CCDC158: variants seen among roughly 807,000 people sequenced by gnomAD.
CCDC158 encodes coiled-coil domain-containing protein 158.
A neutral mutation model predicts 138.6 loss-of-function variants in CCDC158; 116 were observed. The observed-to-expected ratio is 0.84, with a 90% CI of 0.72 to 0.98. The LOEUF is 0.98. CCDC158 is among the 50% of genes least tolerant of loss of function. CCDC158 has a pLI of 0.00. For synonymous variants in CCDC158, 436 were observed against 442.4 expected (o/e 0.99, Z 0.18); for missense variants, 1,265 against 1,306.1 (o/e 0.97, Z 0.48).
At chr4:76,367,831 C>T (rs1724843975) in intron 11 of CCDC158, 55 bp from the exon 12 acceptor site, 1 of 1,486,692 alleles carries the variant, frequency 6.7e-7, no homozygotes, top group Non-Finnish European at 9.0e-7. Flanking sequence ...GTATAGGCAA[C>T]CTCAAGAGAT....
rs769483969 is a variant in CCDC158, at chr4:76,396,349, A to T, written c.208T>A (p.Ser70Thr). The change falls in exon 4 of 25, where the codon TCT becomes ACT. Residue 70 changes from serine to threonine, a missense_variant. Transcript: ENST00000682701. ...ELDSPRKIIP[S>T]PGKEHFERVL... ...CGTTCAAAGTGTTCCTTTCCAGGAGATGGGATGATTTTTCTAGGAGAATCA... is the reference window on the plus strand; with the variant it reads ...CGTTCAAAGTGTTCCTTTCCAGGAGTTGGGATGATTTTTCTAGGAGAATCA... 4.3e-6 allele frequency: 7 copies of T among 1,613,822 alleles called. No homozygotes were observed. The African/African-American group carries it at 6.7e-5, about 15-fold the overall frequency.
At chr4:76,331,973 T>C (rs1355182229) in intron 20 of CCDC158, among the ~76,000 whole-genome samples, 1 of 152,224 alleles carries the variant, frequency 6.6e-6, no homozygotes, top group Non-Finnish European at 1.5e-5. Flanking sequence ...AGTTATGGAT[T>C]TCATTTCTTT....
intron 7 of CCDC158, among the ~76,000 whole-genome samples, chr4:76,383,091 T>C (rs764794381): frequency 3.3e-5 from 5 of 152,198 alleles, no homozygotes; most frequent in African/African-American, 7.2e-5. Context: ...ACATTAGCTC[T>C]GGTCAGGTTT....
chr4:76,396,366 G>A lies in CCDC158; in HGVS notation c.191C>T (p.Pro64Leu), dbSNP rs760988150. ...FPKYEVELDS[P>L]RKIIPSPGKE... Reference sequence around the variant, plus strand: ...TCCAGGAGATGGGATGATTTTTCTAGGAGAATCAAGTTCCACTTCATATTT... The same window carrying A: ...TCCAGGAGATGGGATGATTTTTCTAAGAGAATCAAGTTCCACTTCATATTT... Residue 64 changes from proline (P) to leucine (L), a missense_variant, in exon 4 of 25, where the codon CCT (proline) becomes CTT (leucine). By Grantham distance (98) the Pro-to-Leu change is moderately conservative (BLOSUM62 -3). Transcript: ENST00000682701. 1.9e-6 allele frequency: 3 copies of A among 1,613,644 alleles called. No individual in the cohort carries two copies. The highest frequency in any genetic ancestry group is 2.5e-6 in the Non-Finnish European group (3 of 1,179,674).
chr4:76,415,392 A>T (rs1470013754), intron 1 of CCDC158, among the ~76,000 whole-genome samples: 1 of 152,158 alleles, frequency 6.6e-6, no homozygotes, highest in Non-Finnish European at 1.5e-5. Context: ...ATAGAAAAGG[A>T]AAATCCATTT....
At chr4:76,380,810 T>C (rs892636433) in intron 8 of CCDC158, among the ~76,000 whole-genome samples, 5 of 152,080 alleles carry the variant, frequency 3.3e-5, no homozygotes, top group Non-Finnish European at 5.9e-5. Context: ...GAGGAAGAAA[T>C]GGTTTTGTAA....
chr4:76,333,959 G>A (rs1721228737), intron 19 of CCDC158, 51 bp downstream of exon 19: 2 of 1,376,160 alleles, frequency 1.5e-6, no homozygotes, highest in Non-Finnish European at 2.0e-6. Flanking sequence ...TAACTCAATG[G>A]CAAACCATTC....
At chr4:76,360,773 A>G (rs999528955) in intron 13 of CCDC158, among the ~76,000 whole-genome samples, 3 of 152,224 alleles carry the variant, frequency 2.0e-5, no homozygotes, top group African/African-American at 7.2e-5. Flanking sequence ...GCTCATAGGT[A>G]GAAGTGATTT....
chr4:76,347,844 G>A (rs1722703427), intron 18 of CCDC158, among the ~76,000 whole-genome samples: 1 of 152,022 alleles, frequency 6.6e-6, no homozygotes, highest in African/African-American at 2.4e-5. Context: ...GAAACCAAGG[G>A]AAAAAATCGA....
At chr4:76,386,976 A>G (rs994354362) in intron 4 of CCDC158, among the ~76,000 whole-genome samples, 10 of 152,134 alleles carry the variant, frequency 6.6e-5, no homozygotes, top group Non-Finnish European at 1.2e-4. Flanking sequence ...GTCCTAGGTA[A>G]ACTTGAAAGG....
intron 19 of CCDC158, among the ~76,000 whole-genome samples, chr4:76,333,399 A>G (rs185035013): frequency 5.8e-4 from 89 of 152,312 alleles, no homozygotes; most frequent in African/African-American, 2.1e-3. Flanking sequence ...TAACACAAAA[A>G]AGTAAAACCC....
At chr4:76,321,454 G>A (rs904817999) in intron 24 of CCDC158, among the ~76,000 whole-genome samples, 12 of 151,634 alleles carry the variant, frequency 7.9e-5, no homozygotes, top group South Asian at 2.1e-4. Flanking sequence ...ACTTGCACAC[G>A]CATGTTTATA....
intron 18 of CCDC158, among the ~76,000 whole-genome samples, chr4:76,350,208 G>A (rs989810730): frequency 6.6e-6 from 1 of 152,116 alleles, no homozygotes. Flanking sequence ...TCTATTGTTT[G>A]ATAGACTACT....
At chr4:76,349,471 C>A (rs1308092478) in intron 18 of CCDC158, among the ~76,000 whole-genome samples, 2 of 152,156 alleles carry the variant, frequency 1.3e-5, no homozygotes, top group African/African-American at 4.8e-5. Flanking sequence ...GAGTTTGAGA[C>A]AAGCCTGGGC....
chr4:76,392,053 G>C (rs28792158), intron 4 of CCDC158, among the ~76,000 whole-genome samples: 4,474 of 151,840 alleles, frequency 0.029, 218 homozygotes, highest in African/African-American at 0.1. Context: ...ATTTAAAGAA[G>C]TAACACCAAT....
chr4:76,370,020 T>A (rs28687648), intron 10 of CCDC158, among the ~76,000 whole-genome samples: 4,465 of 152,174 alleles, frequency 0.029, 221 homozygotes, highest in African/African-American at 0.1. Context: ...TGATAAGTAA[T>A]GGAGAGATGG....
At chr4:76,345,174 T>C (rs756177418) in intron 18 of CCDC158, 13 of 993,502 alleles carry the variant, frequency 1.3e-5, no homozygotes, top group Non-Finnish European at 1.5e-5. Context: ...AAAGTACCTA[T>C]TGAAGGTTGC....
chr4:76,408,671 G>A (rs28452892), intron 2 of CCDC158, among the ~76,000 whole-genome samples: 90,067 of 152,042 alleles, frequency 0.59, 27,842 homozygotes, highest in East Asian at 0.8. Context: ...CTTTATAGCC[G>A]CATGATTTAT....
At chr4:76,317,653 A>G (rs1719531301) in intron 24 of CCDC158, among the ~76,000 whole-genome samples, 1 of 152,194 alleles carries the variant, frequency 6.6e-6, no homozygotes. Flanking sequence ...CCTAGAACAA[A>G]CAGACTTAAC....
Sources: allele counts gnomAD v4.1 joint callset (sites outside exome capture counted in the v4.1 genomes callset), GRCh38; gene constraint gnomAD v4.1.1; transcripts MANE v1.5; gene names NCBI Gene and HGNC (gene_info 2026-07-23, HGNC 2026-07-21).